ORC4: variants seen among roughly 807,000 people sequenced by gnomAD.
ORC4 encodes origin recognition complex, subunit 4 homolog.
A neutral mutation model predicts 63.9 loss-of-function variants in ORC4; 55 were observed. The ratio of observed to expected loss-of-function variants is 0.86; its 90% CI spans 0.69 to 1.08. ORC4 has a LOEUF of 1.08. Ranked by LOEUF, ORC4 falls within the 50% of genes least tolerant of loss-of-function variation. The pLI is 0.00. For synonymous variants in ORC4, 150 were observed against 168.5 expected (o/e 0.89, Z 0.85); for missense variants, 511 against 504.4 (o/e 1.01, Z -0.13).
intron 1 of ORC4, among the ~76,000 whole-genome samples, chr2:147,987,364 A>ATGTG (rs761445778): frequency 2.3e-4 from 11 of 47,536 alleles, no homozygotes; most frequent in Non-Finnish European, 4.4e-4. Flanking sequence ...ATAGATATAT[A>ATGTG]TATGTGTGTG....
Position 147,938,226 on chromosome 2 carries a change from C to CAAT in ORC4, c.1055-16_1055-14dup, listed in dbSNP as rs1450538168. The CAAT allele has an allele frequency of 6.2e-7, 1 of 1,609,540 alleles. No homozygotes were observed. The highest frequency in any genetic ancestry group is 8.5e-7 in the Non-Finnish European group (1 of 1,176,216). On this transcript the variant is annotated splice_polypyrimidine_tract_variant and intron_variant, in intron 12 of 13. Transcript: ENST00000392857. ...AACTTCTGAAACTCTGAGTAGAAAG[C>CAAT]AATGACAACATTATACCTTCAAATA...
At chr2:147,965,934 G>T (rs2105332938) in intron 4 of ORC4, among the ~76,000 whole-genome samples, 1 of 152,192 alleles carries the variant, frequency 6.6e-6, no homozygotes, top group South Asian at 2.1e-4. Flanking sequence ...GGCTAGGTGT[G>T]GTAGCTCACA....
chr2:147,966,500 A>C (rs1689901053), intron 4 of ORC4, among the ~76,000 whole-genome samples: 1 of 152,058 alleles, frequency 6.6e-6, no homozygotes, highest in Non-Finnish European at 1.5e-5. Context: ...AAAATAAATA[A>C]ATGAGAAAAG....
At chr2:148,016,037 A>T (rs1693262287) in intron 1 of ORC4, among the ~76,000 whole-genome samples, 1 of 152,170 alleles carries the variant, frequency 6.6e-6, no homozygotes, top group South Asian at 2.1e-4. Flanking sequence ...CTCAACGTCA[A>T]CCATTCCACA....
intron 8 of ORC4, among the ~76,000 whole-genome samples, chr2:147,950,505 G>C (rs182523950): frequency 6.6e-6 from 1 of 152,242 alleles, no homozygotes; most frequent in East Asian, 1.9e-4. Flanking sequence ...AGTGGCTCAC[G>C]CCTGTAATCC....
At chr2:147,952,895 G>A (rs1017302408) in intron 7 of ORC4, among the ~76,000 whole-genome samples, 8 of 151,898 alleles carry the variant, frequency 5.3e-5, no homozygotes, top group African/African-American at 1.5e-4. Flanking sequence ...GTGTGGTGGC[G>A]CATGCCTGTA....
chr2:147,998,410 C>T (rs1427061719), intron 1 of ORC4, among the ~76,000 whole-genome samples: 2 of 152,164 alleles, frequency 1.3e-5, no homozygotes, highest in Non-Finnish European at 2.9e-5. Context: ...TGGCTCAGTG[C>T]TATTCTGGAG....
chr2:148,000,987 G>A (rs1473888726), intron 1 of ORC4, among the ~76,000 whole-genome samples: 2 of 152,042 alleles, frequency 1.3e-5, no homozygotes, highest in Non-Finnish European at 2.9e-5. Context: ...GTTATTTAGA[G>A]ATACAGAAGT....
intron 1 of ORC4, among the ~76,000 whole-genome samples, chr2:148,003,739 T>C (rs371655761): frequency 1.6e-4 from 25 of 152,242 alleles, no homozygotes; most frequent in Non-Finnish European, 2.2e-4. Context: ...CTATTCAACA[T>C]AGTATTGGAA....
intron 1 of ORC4, among the ~76,000 whole-genome samples, chr2:148,019,731 CTG>C (rs1693575231): frequency 2.0e-5 from 3 of 152,182 alleles, no homozygotes; most frequent in Non-Finnish European, 2.9e-5. Context: ...CATATTGAGA[CTG>C]TGATGCTTTA....
intron 4 of ORC4, chr2:147,960,256 T>TA: frequency 2.0e-6 from 2 of 985,306 alleles, no homozygotes; most frequent in Non-Finnish European, 2.4e-6. Flanking sequence ...AACACCAACT[T>TA]ATGCTTTGCT....
intron 9 of ORC4, among the ~76,000 whole-genome samples, chr2:147,944,875 C>T (rs1003897544): frequency 4.6e-5 from 7 of 151,938 alleles, no homozygotes; most frequent in African/African-American, 1.4e-4. Flanking sequence ...CACTCCCTTG[C>T]TATTGTTTCT....
At chr2:147,969,004 A>G (rs995790143) in intron 4 of ORC4, among the ~76,000 whole-genome samples, 33 of 152,084 alleles carry the variant, frequency 2.2e-4, no homozygotes, top group African/African-American at 7.2e-4. Context: ...AACTGGAAGA[A>G]GTTATATTAA....
chr2:148,010,102 A>G (rs1692861863), intron 1 of ORC4, among the ~76,000 whole-genome samples: 1 of 152,202 alleles, frequency 6.6e-6, no homozygotes. Flanking sequence ...TGCCTGAACA[A>G]CCAATGAAGT....
At chr2:147,992,005 T>C (rs568666635) in intron 1 of ORC4, among the ~76,000 whole-genome samples, 3 of 152,360 alleles carry the variant, frequency 2.0e-5, no homozygotes, top group Non-Finnish European at 2.9e-5. Context: ...TTCTGAATTA[T>C]ATAGGCTAAC....
chr2:147,958,719 G>A (rs1573788390), intron 5 of ORC4, 72 bp downstream of exon 5: 3 of 779,084 alleles, frequency 3.9e-6, no homozygotes, highest in East Asian at 2.6e-5. Context: ...AAATGGATTT[G>A]AAATATACAA....
intron 1 of ORC4, among the ~76,000 whole-genome samples, chr2:148,017,086 A>T (rs1693344975): frequency 6.6e-6 from 1 of 152,246 alleles, no homozygotes; most frequent in African/African-American, 2.4e-5. Context: ...AAGAAAAGTC[A>T]GAGACGCAGG....
chr2:148,010,848 C>CTTT (rs201359357), intron 1 of ORC4, among the ~76,000 whole-genome samples: 76 of 98,518 alleles, frequency 7.7e-4, no homozygotes, highest in African/African-American at 1.2e-3. Flanking sequence ...CAGATTTATT[C>CTTT]TTTTTTTTTT....
chr2:147,964,880 G>C (rs1689810061), intron 4 of ORC4, among the ~76,000 whole-genome samples: 1 of 152,002 alleles, frequency 6.6e-6, no homozygotes, highest in Admixed American at 6.5e-5. Flanking sequence ...TTTCTTAAGA[G>C]AAACCTGACA....
Sources: allele counts gnomAD v4.1 joint callset (sites outside exome capture counted in the v4.1 genomes callset), GRCh38; gene constraint gnomAD v4.1.1; transcripts MANE v1.5; gene names NCBI Gene and HGNC (gene_info 2026-07-23, HGNC 2026-07-21).